Variants in COL21A1 observed in about 807,000 individuals in gnomAD.
COL21A1 encodes collagen type XXI alpha 1 chain, also known as collagen alpha-1(XXI) chain.
Under a neutral mutation model 137.9 loss-of-function variants are expected in COL21A1, and 149 were observed. The observed-to-expected ratio is 1.08, with a 90% CI of 0.95 to 1.24. The LOEUF (loss-of-function observed/expected upper bound fraction) is 1.24. COL21A1 is among the 50% of genes most tolerant of loss of function. The pLI is 0.00. For missense variants in COL21A1, 1,167 were observed against 1,158.4 expected (o/e 1.01, Z -0.11); for synonymous variants, 456 against 391.5 (o/e 1.16, Z -1.95).
At chr6:56,369,547 G>C (rs1554186001) in intron 1 of COL21A1, among the ~76,000 whole-genome samples, 1 of 152,080 alleles carries the variant, frequency 6.6e-6, no homozygotes, top group Non-Finnish European at 1.5e-5. Flanking sequence ...GCAAAAGAAT[G>C]TAAATCTTCC....
At chr6:56,073,301 T>C (rs942916222) in intron 20 of COL21A1, among the ~76,000 whole-genome samples, 4 of 151,448 alleles carry the variant, frequency 2.6e-5, no homozygotes, top group African/African-American at 9.7e-5. Context: ...TGTGTACCTA[T>C]AGCTGCTGGA....
chr6:56,303,927 A>C (rs1023183926), intron 1 of COL21A1, among the ~76,000 whole-genome samples: 1 of 152,172 alleles, frequency 6.6e-6, no homozygotes, highest in Non-Finnish European at 1.5e-5. Context: ...ATTTATTGAG[A>C]GTTTTTAGCA....
At chr6:56,286,649 G>A (rs922187334) in intron 1 of COL21A1, among the ~76,000 whole-genome samples, 8 of 151,912 alleles carry the variant, frequency 5.3e-5, no homozygotes, top group African/African-American at 1.9e-4. Context: ...GAATTGGTAT[G>A]CCTAAATTTC....
chr6:56,383,117 T>C (rs2094011549), intron 1 of COL21A1, among the ~76,000 whole-genome samples: 1 of 152,170 alleles, frequency 6.6e-6, no homozygotes, highest in Admixed American at 6.5e-5. Context: ...ACAATAAGAA[T>C]ATACTTTCTC....
chr6:56,344,240 A>G (rs915597890), intron 1 of COL21A1, among the ~76,000 whole-genome samples: 1 of 152,222 alleles, frequency 6.6e-6, no homozygotes, highest in Non-Finnish European at 1.5e-5. Flanking sequence ...GCCATCATAT[A>G]ATACTAACAA....
chr6:56,324,716 G>A (rs761206778), intron 1 of COL21A1, among the ~76,000 whole-genome samples: 2 of 151,912 alleles, frequency 1.3e-5, no homozygotes, highest in Non-Finnish European at 2.9e-5. Context: ...CACTCTACAC[G>A]AATATCTAAC....
chr6:56,058,098 T>G (rs1416572211), intron 29 of COL21A1, among the ~76,000 whole-genome samples: 1 of 99,706 alleles, frequency 1.0e-5, no homozygotes, highest in Non-Finnish European at 2.1e-5. Flanking sequence ...ATGCTACTGA[T>G]TAAAACATTT....
intron 12 of COL21A1, among the ~76,000 whole-genome samples, chr6:56,130,149 C>T (rs1773404956): frequency 7.5e-6 from 1 of 133,850 alleles, no homozygotes; most frequent in African/African-American, 2.8e-5. Flanking sequence ...TCCCTGAGAG[C>T]ATTCATGACA....
At chr6:56,218,479 G>A (rs1780624490) in intron 1 of COL21A1, among the ~76,000 whole-genome samples, 2 of 152,132 alleles carry the variant, frequency 1.3e-5, no homozygotes, top group Admixed American at 6.6e-5. Flanking sequence ...CCTCTTAGAT[G>A]GAAATAGGCT....
intron 9 of COL21A1, among the ~76,000 whole-genome samples, chr6:56,163,274 G>T (rs1776318102): frequency 6.6e-6 from 1 of 152,136 alleles, no homozygotes; most frequent in Admixed American, 6.5e-5. Context: ...TTGCTTTCAA[G>T]TTACACATTA....
chr6:56,345,058 C>A (rs1002938049), intron 1 of COL21A1, among the ~76,000 whole-genome samples: 8 of 152,212 alleles, frequency 5.3e-5, no homozygotes, highest in Admixed American at 1.3e-4. Context: ...CACTGCTGGA[C>A]CTCTGTGGGA....
intron 10 of COL21A1, among the ~76,000 whole-genome samples, chr6:56,154,149 A>T (rs984573472): frequency 6.6e-6 from 1 of 152,098 alleles, no homozygotes; most frequent in Non-Finnish European, 1.5e-5. Flanking sequence ...CAAGGGAGTG[A>T]ATTCTTGATA....
At chr6:56,321,493 T>A (rs891000295) in intron 1 of COL21A1, among the ~76,000 whole-genome samples, 1 of 152,230 alleles carries the variant, frequency 6.6e-6, no homozygotes, top group East Asian at 1.9e-4. Flanking sequence ...CACTTTATGT[T>A]TTTTTGCTAA....
At chr6:56,165,288 A>G (rs1448503231) in intron 7 of COL21A1, among the ~76,000 whole-genome samples, 2 of 152,222 alleles carry the variant, frequency 1.3e-5, no homozygotes, top group East Asian at 1.9e-4. Flanking sequence ...CAATTTTAAA[A>G]GGAGAATCAT....
intron 1 of COL21A1, among the ~76,000 whole-genome samples, chr6:56,205,089 A>T (rs1779674250): frequency 6.6e-6 from 1 of 152,190 alleles, no homozygotes; most frequent in African/African-American, 2.4e-5. Context: ...CCTCCAAAGG[A>T]TCACAACTCG....
chr6:56,353,698 A>G (rs1765768059), intron 1 of COL21A1, among the ~76,000 whole-genome samples: 1 of 152,240 alleles, frequency 6.6e-6, no homozygotes, highest in Non-Finnish European at 1.5e-5. Flanking sequence ...CCTAATATCA[A>G]AATGTGAATA....
At chr6:56,133,064 A>G (rs1277673149) in intron 12 of COL21A1, among the ~76,000 whole-genome samples, 2 of 152,220 alleles carry the variant, frequency 1.3e-5, no homozygotes, top group Non-Finnish European at 2.9e-5. Flanking sequence ...GCTGCTGAAA[A>G]GATAACCAAA....
chr6:56,382,728 C>A (rs1047332085), intron 1 of COL21A1, among the ~76,000 whole-genome samples: 7 of 152,050 alleles, frequency 4.6e-5, no homozygotes, highest in African/African-American at 2.4e-5. Context: ...AGGAAGAGGG[C>A]CCTCACCAGA....
chr6:56,084,924 C>A (rs184287201), intron 17 of COL21A1, among the ~76,000 whole-genome samples: 4 of 151,992 alleles, frequency 2.6e-5, no homozygotes, highest in Non-Finnish European at 5.9e-5. Context: ...AGTTTTCATG[C>A]CTTGGGAGTT....
Sources: gnomAD v4.1 joint callset for allele counts (sites outside exome capture counted in the v4.1 genomes callset) on GRCh38, gnomAD v4.1.1 for gene constraint, MANE v1.5 for transcripts, NCBI Gene and HGNC (gene_info 2026-07-23, HGNC 2026-07-21) for gene names.